The following RAB36 variants were observed in gnomAD, a reference collection of about 807,000 sequenced individuals.
RAB36 encodes RAB36, member RAS oncogene family, also known as ras-related protein Rab-36.
A neutral mutation model predicts 39.3 loss-of-function variants in RAB36; 33 were observed. The observed-to-expected ratio is 0.84, with a 90% confidence interval of 0.64 to 1.12. The LOEUF (loss-of-function observed/expected upper bound fraction) is 1.12, where lower values mean the gene tolerates loss of function less well. Ranked by LOEUF, RAB36 falls within the 50% of genes most tolerant of loss-of-function variation. RAB36 has a pLI of 0.00. For synonymous variants in RAB36, 133 were observed against 140.2 expected (o/e 0.95, Z 0.36); for missense variants, 308 against 355.3 (o/e 0.87, Z 1.07).
chr22:23,150,153 G>A lies in RAB36; in HGVS notation c.160G>A (p.Gly54Arg), dbSNP rs138558620. 8.4e-5 allele frequency: 135 copies of A among 1,608,918 alleles called. 1 individual carries two copies. In the African/African-American group the frequency reaches 1.2e-3, roughly 14 times the overall value. ...ACQRRNTGTV[G>R]LKLSKVVVVG... ...CCAACGCAGGAACACGGGGACTGTC[G>A]GGTGAGCCTGCAGGGTGTGGGATGG... The change falls in exon 3 of 11, where the codon GGG (glycine) becomes AGG (arginine). Residue 54 changes from glycine (G) to arginine (R), a missense_variant and splice_region_variant. By Grantham distance (125) the Gly-to-Arg change is moderately radical. Transcript: ENST00000263116.
chr22:23,160,091 G>A lies in RAB36; in HGVS notation c.620-788G>A, dbSNP rs145957104. On this transcript the variant is annotated intron_variant, in intron 9 of 10. Transcript: ENST00000263116. ...CAAGGCTCTGGGGACTCAGGAATTG[G>A]GCCCAGTAGTCTTTACCCTGTGTAA... is the stretch of plus-strand genomic sequence containing the variant. Among the ~76,000 whole-genome samples the A allele has an allele frequency of 1.8e-3, 276 of 152,260 alleles. 3 individuals carry two copies. Among genetic ancestry groups the A allele is most frequent in the African/African-American group, 6.5e-3 (270 of 41,552 alleles).
At chr22:23,155,061 G>A (rs2071379248) in intron 5 of RAB36, among the ~76,000 whole-genome samples, 1 of 152,194 alleles carries the variant, frequency 6.6e-6, no homozygotes, top group Non-Finnish European at 1.5e-5. Context: ...GGAGGCAGAG[G>A]TTACAGTGAG....
At chr22:23,157,832 G>T (rs1291881922) in intron 6 of RAB36, among the ~76,000 whole-genome samples, 160 bp from the exon 7 acceptor site, 1 of 152,234 alleles carries the variant, frequency 6.6e-6, no homozygotes, top group African/African-American at 2.4e-5. Context: ...GACAGCCATG[G>T]GGTGTTTCCT....
intron 5 of RAB36, among the ~76,000 whole-genome samples, chr22:23,154,884 G>T (rs2071368639): frequency 1.3e-5 from 2 of 152,222 alleles, no homozygotes; most frequent in African/African-American, 4.8e-5. Flanking sequence ...CCAGCACTTT[G>T]GGAGGCCAGG....
intron 5 of RAB36, chr22:23,153,672 C>CACTT (rs2071292204): frequency 1.5e-6 from 1 of 672,852 alleles, no homozygotes; most frequent in African/African-American, 2.0e-5. Flanking sequence ...TCCCCAGCCT[C>CACTT]ACTTTCCTTC....
Position 23,145,537 on chromosome 22 carries a change from TCA to T in RAB36, c.-24_-23del. ...ACCAGGCCGCGCGGAGCCCCAGCTTTCACAGCCATCGCTGGTGAGTCAGCTCG... is the reference window on the plus strand; with the variant it reads ...ACCAGGCCGCGCGGAGCCCCAGCTTTCAGCCATCGCTGGTGAGTCAGCTCG... On this transcript the variant is annotated 5_prime_UTR_variant, in exon 1 of 11. Coordinates refer to ENST00000263116, the MANE Select transcript of RAB36 (RefSeq NM_004914.5). 6.2e-7 allele frequency: 1 copy of T among 1,602,082 alleles called. No individual in the cohort carries two copies. Among genetic ancestry groups the T allele is most frequent in the Non-Finnish European group, 8.5e-7 (1 of 1,179,262 alleles).
chr22:23,158,091 C>T, intron 7 of RAB36, 48 bp downstream of exon 7: 1 of 1,610,034 alleles, frequency 6.2e-7, no homozygotes, highest in Non-Finnish European at 8.5e-7. Context: ...GCTCAGGAAG[C>T]TGCCTGGAAG....
At position 23,159,225 on chromosome 22, in the gene RAB36, C is replaced by T. The variant is rs777404591; in HGVS notation, c.591C>T (p.Ala197=). The T allele has an allele frequency of 8.7e-6, 14 of 1,603,442 alleles. No individual in the cohort carries two copies. Among genetic ancestry groups the T allele is most frequent in the South Asian group, 2.2e-5 (2 of 88,968 alleles). ...TGCACCTGGCCAGGGAGATGCAGGC[C>T]GAGTACTGGTCAGTGTCGGCCAAGA... is the stretch of plus-strand genomic sequence containing the variant. The part of the protein sequence containing the change: ...DAVHLAREMQ[A]EYWSVSAKTG... Residue 197 remains alanine (A), a synonymous_variant, in exon 9 of 11, where the codon GCC becomes GCT. Coordinates refer to ENST00000263116, the MANE Select transcript of RAB36 (RefSeq NM_004914.5).
Position 23,157,971 on chromosome 22 carries a change from TG to T in RAB36, c.395-19del, listed in dbSNP as rs1247313681. The T allele has an allele frequency of 6.2e-7, 1 of 1,614,158 alleles. No homozygotes were observed. Among genetic ancestry groups the T allele is most frequent in the Non-Finnish European group, 8.5e-7 (1 of 1,179,982 alleles). On this transcript the variant is annotated intron_variant, in intron 6 of 10. Transcript: ENST00000263116. ...GCCTCGCCTGGCACTGATTGGCTGT[TG>T]GCTTTTTCCGGGTGTCTAGTGATCA...
intron 9 of RAB36, 105 bp from the exon 10 acceptor site, chr22:23,160,774 G>T (rs2071734622): frequency 6.7e-7 from 1 of 1,490,792 alleles, no homozygotes; most frequent in Non-Finnish European, 9.1e-7. Flanking sequence ...TCTAGAAAGG[G>T]CTACGTGCCA....
chr22:23,160,858 G>T (rs187168327), intron 9 of RAB36, 21 bp from the exon 10 acceptor site: 1 of 1,609,750 alleles, frequency 6.2e-7, no homozygotes, highest in Non-Finnish European at 8.5e-7. Flanking sequence ...ATGAGGTCCC[G>T]GCTGTCTTGT....
chr22:23,153,223 C>A, intron 5 of RAB36, 89 bp downstream of exon 5: 1 of 984,500 alleles, frequency 1.0e-6, no homozygotes, highest in South Asian at 1.3e-5. Flanking sequence ...GTGTCCATGT[C>A]AAGGAGGACT....
At chr22:23,166,910 A>G (rs1468824095), downstream of RAB36, among the ~76,000 whole-genome samples, 1 of 152,050 alleles carries the variant, frequency 6.6e-6, no homozygotes, top group African/African-American at 2.4e-5. Flanking sequence ...AAGAGGCCAC[A>G]TTTATGGAGC....
rs771528093 is a variant in RAB36, at chr22:23,164,542, C to T, written c.*2978C>T. Among the ~76,000 whole-genome samples the T allele has an allele frequency of 1.3e-5, 2 of 152,180 alleles. No homozygotes were observed. The highest frequency in any genetic ancestry group is 2.4e-5 in the African/African-American group (1 of 41,434). On this transcript the variant is annotated 3_prime_UTR_variant, in exon 11 of 11. Coordinates refer to ENST00000263116, the MANE Select transcript of RAB36 (RefSeq NM_004914.5). ...CTTCAGGGTGGTTTGCGCACCCTCACTTTGATGATTTAATGAAGACATTTC... is the reference window on the plus strand; with the variant it reads ...CTTCAGGGTGGTTTGCGCACCCTCATTTTGATGATTTAATGAAGACATTTC...
At chr22:23,167,270 C>T (rs2072068323), downstream of RAB36, among the ~76,000 whole-genome samples, 2 of 152,228 alleles carry the variant, frequency 1.3e-5, no homozygotes, top group Non-Finnish European at 2.9e-5. Context: ...CAACCAAGCT[C>T]AGCCCTCCTC....
At chr22:23,156,295 G>T (rs2071447921) in intron 6 of RAB36, 6 of 385,280 alleles carry the variant, frequency 1.6e-5, no homozygotes, top group African/African-American at 2.2e-5. Context: ...AGCTCATAAA[G>T]ATGCTCAGAG....
chr22:23,150,033 T>A (rs1464340721), intron 2 of RAB36, 30 bp from the exon 3 acceptor site: 37 of 1,545,064 alleles, frequency 2.4e-5, no homozygotes, highest in Non-Finnish European at 3.3e-5. Flanking sequence ...CTTTGCAGGA[T>A]GATGTGTCCG....
At chr22:23,158,864 G>A (rs2071613478) in intron 7 of RAB36, 34 bp from the exon 8 acceptor site, 2 of 1,592,098 alleles carry the variant, frequency 1.3e-6, no homozygotes, top group African/African-American at 1.3e-5. Flanking sequence ...TGGGAGGATG[G>A]GTGAATCTCT....
At chr22:23,153,637 C>T in intron 5 of RAB36, 1 of 985,028 alleles carries the variant, frequency 1.0e-6, no homozygotes, top group Non-Finnish European at 1.2e-6. Flanking sequence ...CGTCTTCCTC[C>T]TCACACTGCA....
Sources: gnomAD v4.1 joint callset for allele counts (sites outside exome capture counted in the v4.1 genomes callset) on GRCh38, gnomAD v4.1.1 for gene constraint, MANE v1.5 for transcripts, NCBI Gene and HGNC (gene_info 2026-07-23, HGNC 2026-07-21) for gene names.